Variants in PLGRKT observed in about 807,000 individuals in gnomAD.
The protein encoded by PLGRKT is plasminogen receptor with a C-terminal lysine, also known as plasminogen receptor (KT).
A neutral mutation model predicts 18.5 loss-of-function variants in PLGRKT; 22 were observed. The observed-to-expected ratio is 1.19, with a 90% CI of 0.85 to 1.70. PLGRKT has a LOEUF of 1.70. Ranked by LOEUF, PLGRKT falls within the 40% of genes most tolerant of loss-of-function variation. The pLI is 0.00. For missense variants in PLGRKT, 235 were observed against 174.4 expected (o/e 1.35, Z -1.96); for synonymous variants, 72 against 52.8 (o/e 1.36, Z -1.58).
chr9:5,420,881 G>A (rs1202171489), intron 3 of PLGRKT, among the ~76,000 whole-genome samples: 1 of 152,138 alleles, frequency 6.6e-6, no homozygotes, highest in African/African-American at 2.4e-5. Context: ...AACAGATGGG[G>A]GGCACAAGTG....
intron 3 of PLGRKT, among the ~76,000 whole-genome samples, chr9:5,362,919 GCAGCTA>G (rs1188457918): frequency 6.6e-6 from 1 of 152,136 alleles, no homozygotes; most frequent in African/African-American, 2.4e-5. Context: ...CTGGGAGGGA[GCAGCTA>G]CAGCACAGCA....
chr9:5,431,647 C>G (rs915706477), intron 3 of PLGRKT, among the ~76,000 whole-genome samples: 1 of 151,336 alleles, frequency 6.6e-6, no homozygotes, highest in Non-Finnish European at 1.5e-5. Context: ...GGGCATTATT[C>G]TATGTACCAC....
intron 3 of PLGRKT, among the ~76,000 whole-genome samples, chr9:5,412,094 G>T (rs887707848): frequency 6.6e-6 from 1 of 152,108 alleles, no homozygotes; most frequent in African/African-American, 2.4e-5. Context: ...TACAATACTA[G>T]TACATGACTA....
chr9:5,367,926 A>G (rs769600359), intron 3 of PLGRKT, among the ~76,000 whole-genome samples: 1 of 152,224 alleles, frequency 6.6e-6, no homozygotes, highest in African/African-American at 2.4e-5. Context: ...AAAGTGGGCA[A>G]AGGACATGAA....
In PLGRKT at chr9:5,358,164, G is replaced by T; in HGVS notation, c.*75C>A. 3 of 996,352 alleles carry T rather than the reference G, an allele frequency of 3.0e-6. No homozygotes were observed. The highest frequency in any genetic ancestry group is 4.5e-6 in the Non-Finnish European group (3 of 669,238). The allele number at this position is 996,352 out of a possible 1,614,324, so 61.7% of individuals were successfully genotyped here. A position where few individuals can be genotyped will look rare whatever the true frequency, so the allele number is the denominator to read the frequency against. On this transcript the variant is annotated 3_prime_UTR_variant, in exon 6 of 6. Transcript: ENST00000223864. ...AAAATCTATAATATCAAAATCTTGAGCATTTAAAAAACTGTAAAAACCATG... is the reference window on the plus strand; with the variant it reads ...AAAATCTATAATATCAAAATCTTGATCATTTAAAAAACTGTAAAAACCATG...
chr9:5,367,575 A>G (rs991138120), intron 3 of PLGRKT, among the ~76,000 whole-genome samples: 1 of 152,214 alleles, frequency 6.6e-6, no homozygotes, highest in African/African-American at 2.4e-5. Flanking sequence ...CTATCACCAT[A>G]TACAAAACTT....
chr9:5,386,964 G>C (rs1231770967), intron 3 of PLGRKT, among the ~76,000 whole-genome samples: 2 of 151,922 alleles, frequency 1.3e-5, no homozygotes, highest in Non-Finnish European at 2.9e-5. Context: ...AGCATGGAGT[G>C]AGCAAGGGAG....
intron 3 of PLGRKT, among the ~76,000 whole-genome samples, chr9:5,375,468 A>C (rs1817609993): frequency 6.6e-6 from 1 of 152,212 alleles, no homozygotes; most frequent in African/African-American, 2.4e-5. Flanking sequence ...AATGAATTCC[A>C]GATAAATCAA....
At chr9:5,403,510 C>A (rs1275662987) in intron 3 of PLGRKT, among the ~76,000 whole-genome samples, 8 of 152,202 alleles carry the variant, frequency 5.3e-5, no homozygotes, top group Admixed American at 3.3e-4. Context: ...CAGGCGTGAG[C>A]CACCACGCCC....
At chr9:5,434,664 G>A (rs1343624014) in intron 2 of PLGRKT, among the ~76,000 whole-genome samples, 3 of 148,830 alleles carry the variant, frequency 2.0e-5, no homozygotes, top group Non-Finnish European at 1.5e-5. Flanking sequence ...GAGCACCGCT[G>A]CCCGGCCGCC....
At chr9:5,404,655 AC>A (rs1246337534) in intron 3 of PLGRKT, among the ~76,000 whole-genome samples, 7 of 152,174 alleles carry the variant, frequency 4.6e-5, no homozygotes, top group Non-Finnish European at 8.8e-5. Context: ...TTTATGACAA[AC>A]CCACAGCCAA....
intron 5 of PLGRKT, among the ~76,000 whole-genome samples, chr9:5,360,311 T>C (rs559509841): frequency 5.1e-4 from 77 of 152,306 alleles, no homozygotes; most frequent in Admixed American, 3.3e-4. Context: ...ATCTAGACCA[T>C]AGGTTGGCAA....
Position 5,361,016 on chromosome 9 carries a change from C to T in PLGRKT, c.322+62G>A, listed in dbSNP as rs189582102. ...CTTTATAAGTCAAAGGTTCCTAAGG[C>T]AGGGATCCTTGAAATGGAAAATAAA... On this transcript the variant is annotated intron_variant, in intron 5 of 5. Transcript: ENST00000223864. 6.1e-5 allele frequency: 54 copies of T among 878,152 alleles called. No homozygotes were observed. The East Asian group carries it at 1.2e-3, about 20-fold the overall frequency. The allele number at this position is 878,152 out of a possible 1,614,324, so 54.4% of individuals were successfully genotyped here. A position where few individuals can be genotyped will look rare whatever the true frequency, so the allele number is the denominator to read the frequency against.
At position 5,399,451 on chromosome 9, in the gene PLGRKT, T is replaced by C. The variant is rs113432187; in HGVS notation, c.81+32446A>G. The stretch of plus-strand genomic sequence containing the variant: ...ATATGCTCAATAGGCAGATTTTTTT[T>C]CCCTTTTCTTTAGAGTTGTGCATTT... On this transcript the variant is annotated intron_variant, in intron 3 of 5. Transcript: ENST00000223864. Among the ~76,000 whole-genome samples the C allele has an allele frequency of 2.3e-3, 345 of 151,992 alleles. 5 individuals carry two copies. Among genetic ancestry groups the C allele is most frequent in the African/African-American group, 7.9e-3 (325 of 41,288 alleles).
intron 3 of PLGRKT, among the ~76,000 whole-genome samples, chr9:5,416,656 A>C (rs1424594718): frequency 6.6e-6 from 1 of 152,218 alleles, no homozygotes; most frequent in Non-Finnish European, 1.5e-5. Flanking sequence ...AAACAAAAAA[A>C]AAAGCTTTCT....
chr9:5,398,332 T>TAATCA (rs1401654531), intron 3 of PLGRKT, among the ~76,000 whole-genome samples: 6 of 151,890 alleles, frequency 4.0e-5, no homozygotes, highest in African/African-American at 1.5e-4. Flanking sequence ...AATATGCTTT[T>TAATCA]AATCACAGAT....
chr9:5,411,734 T>C (rs995959702), intron 3 of PLGRKT, among the ~76,000 whole-genome samples: 2 of 152,232 alleles, frequency 1.3e-5, no homozygotes, highest in East Asian at 1.9e-4. Context: ...ACTGACAAGA[T>C]ATTACAGTTT....
rs1563789990 is a variant in PLGRKT, at chr9:5,424,657, A to AT, written c.81+7239_81+7240insA. Among the ~76,000 whole-genome samples the AT allele has an allele frequency of 2.1e-3, 241 of 113,846 alleles. 4 individuals carry two copies. Among genetic ancestry groups the AT allele is most frequent in the African/African-American group, 8.9e-3 (229 of 25,672 alleles). The allele number at this position is 113,846 out of a possible 152,430, so 74.7% of individuals were successfully genotyped here. A position where few individuals can be genotyped will look rare whatever the true frequency, so the allele number is the denominator to read the frequency against. On this transcript the variant is annotated intron_variant, in intron 3 of 5. Transcript: ENST00000223864. ...AATATATTTACATTATATATAATAT[A>AT]ATTATATATTTTATATATATATATA...
At chr9:5,382,362 G>C (rs960454381) in intron 3 of PLGRKT, among the ~76,000 whole-genome samples, 4 of 152,338 alleles carry the variant, frequency 2.6e-5, no homozygotes, top group Non-Finnish European at 4.4e-5. Context: ...CCAGTCCTGA[G>C]AGGCCTCTGT....
Sources: gnomAD v4.1 joint callset for allele counts (sites outside exome capture counted in the v4.1 genomes callset) on GRCh38, gnomAD v4.1.1 for gene constraint, MANE v1.5 for transcripts, NCBI Gene and HGNC (gene_info 2026-07-23, HGNC 2026-07-21) for gene names.